Variants in KRT86 observed in about 807,000 individuals in gnomAD.
KRT86 encodes the protein keratin 86.
Under a neutral mutation model 41.2 loss-of-function variants are expected in KRT86, and 30 were observed. The observed-to-expected ratio is 0.73, with a 90% CI of 0.54 to 0.99. The LOEUF (loss-of-function observed/expected upper bound fraction) is 0.99, where lower values mean the gene tolerates loss of function less well. Ranked by LOEUF, KRT86 falls within the 50% of genes least tolerant of loss-of-function variation. The probability of loss-of-function intolerance (pLI) is 0.00; values close to 1 mark genes in which losing one functional copy is unlikely to be tolerated. For missense variants in KRT86, 561 were observed against 571.4 expected (o/e 0.98, Z 0.19); for synonymous variants, 238 against 238.1 (o/e 1.00, Z 0.00).
chr12:52,291,126 T>C (rs1161285408), intron 2 of KRT86: 10 of 909,890 alleles, frequency 1.1e-5, no homozygotes, highest in Non-Finnish European at 1.6e-5. Context: ...AACCTGCTGT[T>C]GAGGGACTTG....
Position 52,305,007 on chromosome 12 carries a change from C to T in KRT86, c.715C>T (p.Leu239=), listed in dbSNP as rs1311161624. 2.5e-6 allele frequency: 4 copies of T among 1,614,092 alleles called. No individual in the cohort carries two copies. The Admixed American group carries it at 5.0e-5, about 20-fold the overall frequency. ...GGCCCTGATCCAGGAGATCGACTTC[C>T]TGAGGCGGCTGTATGAGGAGGTGCG... ...VEALIQEIDF[L]RRLYEEEIRV... The change falls in exon 6 of 11, where the codon CTG becomes TTG. Residue 239 remains leucine (L), a synonymous_variant. Transcript: ENST00000423955.
intron 2 of KRT86, among the ~76,000 whole-genome samples, chr12:52,280,604 C>T (rs1937750232): frequency 6.6e-6 from 1 of 152,198 alleles, no homozygotes; most frequent in Non-Finnish European, 1.5e-5. Flanking sequence ...AGAAAAGTCT[C>T]ATGCAAGAGG....
chr12:52,284,440 T>G (rs59659454), intron 2 of KRT86, among the ~76,000 whole-genome samples: 5,474 of 152,304 alleles, frequency 0.036, 357 homozygotes, highest in African/African-American at 0.12. Context: ...TCTTTTCACC[T>G]TGGCCTCCTA....
intron 2 of KRT86, chr12:52,291,331 G>GA (rs1938113146): frequency 6.4e-7 from 1 of 1,556,824 alleles, no homozygotes; most frequent in Admixed American, 1.9e-5. Context: ...TGTGGCTGCC[G>GA]AAGCCCCCGG....
At chr12:52,284,612 G>T (rs758348160) in intron 2 of KRT86, among the ~76,000 whole-genome samples, 14 of 152,210 alleles carry the variant, frequency 9.2e-5, no homozygotes, top group Non-Finnish European at 1.8e-4. Flanking sequence ...GTGGCTGAGA[G>T]ACCTTGGTTT....
intron 2 of KRT86, chr12:52,287,837 T>G: frequency 9.4e-6 from 15 of 1,601,510 alleles, no homozygotes; most frequent in Non-Finnish European, 1.2e-5. Flanking sequence ...CACATGGCAG[T>G]CCTGCCCTGC....
At chr12:52,304,590 G>A (rs1419974923) in intron 5 of KRT86, among the ~76,000 whole-genome samples, 2 of 151,880 alleles carry the variant, frequency 1.3e-5, no homozygotes, top group Non-Finnish European at 2.9e-5. Flanking sequence ...AGTAGCCCTT[G>A]GGCTTTTGGA....
chr12:52,288,572 C>G (rs1938041760), intron 2 of KRT86: 1 of 1,213,844 alleles, frequency 8.2e-7, no homozygotes, highest in Admixed American at 1.7e-5. Flanking sequence ...TGTCCCATTC[C>G]CATGCCTTTC....
chr12:52,306,016 G>C (rs777976448), intron 8 of KRT86, 44 bp from the exon 9 acceptor site: 1 of 1,610,912 alleles, frequency 6.2e-7, no homozygotes. Context: ...GCATCAGAGA[G>C]ACCCAGGGAC....
intron 2 of KRT86, among the ~76,000 whole-genome samples, chr12:52,280,381 A>G (rs1314449644): frequency 1.3e-5 from 2 of 152,220 alleles, no homozygotes; most frequent in Non-Finnish European, 2.9e-5. Context: ...GCTTCTGTAC[A>G]GTGAGCCCAC....
chr12:52,286,151 TGCA>T (rs1937920621), intron 2 of KRT86: 2 of 915,570 alleles, frequency 2.2e-6, no homozygotes, highest in Non-Finnish European at 1.8e-6. Context: ...TCTTTCAAAG[TGCA>T]GGAGAAGTAG....
chr12:52,284,187 G>T (rs114225737), intron 2 of KRT86, among the ~76,000 whole-genome samples: 4 of 152,126 alleles, frequency 2.6e-5, no homozygotes, highest in Non-Finnish European at 5.9e-5. Context: ...TGCTGCTGCT[G>T]CTTCTTGTTT....
At chr12:52,279,306 C>G (rs957347568) in intron 2 of KRT86, 1 of 152,426 alleles carries the variant, frequency 6.6e-6, no homozygotes, top group African/African-American at 2.4e-5. Context: ...GTCAGATGCC[C>G]CCTCCCATAG....
chr12:52,288,177 T>C, intron 2 of KRT86: 1 of 1,612,462 alleles, frequency 6.2e-7, no homozygotes. Flanking sequence ...GTGACTTTAG[T>C]TGAGAATACA....
intron 2 of KRT86, chr12:52,287,167 G>A (rs1411068026): frequency 2.5e-6 from 4 of 1,613,546 alleles, no homozygotes; most frequent in Middle Eastern, 1.7e-4. Context: ...CCAGCTTGGA[G>A]TTCATCACCT....
rs896200395 is a variant in KRT86, at chr12:52,287,863, T to G, written c.-5+11917T>G. ...CCTGCCCTGCCACCCCAACCTCAGA[T>G]TGGCAGCCCTCTCTTCTCATCCCTA... On this transcript the variant is annotated intron_variant, in intron 2 of 10. Coordinates refer to ENST00000423955, the MANE Select transcript of KRT86 (RefSeq NM_001320198.2). 29 of 1,601,148 alleles carry G rather than the reference T, an allele frequency of 1.8e-5. No homozygotes were observed. In the Admixed American group the frequency reaches 3.6e-4, roughly 20 times the overall value.
intron 9 of KRT86, chr12:52,306,631 T>C: frequency 2.3e-6 from 1 of 427,856 alleles, no homozygotes; most frequent in Non-Finnish European, 4.3e-6. Flanking sequence ...TCCTTCTCTT[T>C]TTCCTAGTCT....
chr12:52,307,534 A>T (rs1938544454), intron 9 of KRT86, among the ~76,000 whole-genome samples: 1 of 152,122 alleles, frequency 6.6e-6, no homozygotes, highest in East Asian at 1.9e-4. Context: ...AGGGGAAGCT[A>T]TTGGGAGGGA....
Position 52,305,007 on chromosome 12 carries a change from C to G in KRT86, c.715C>G (p.Leu239Val). ...GGCCCTGATCCAGGAGATCGACTTC[C>G]TGAGGCGGCTGTATGAGGAGGTGCG... ...VEALIQEIDF[L>V]RRLYEEEIRV... Residue 239 changes from leucine to valine, a missense_variant, in exon 6 of 11, where the codon CTG (leucine) becomes GTG (valine). Coordinates refer to ENST00000423955, the MANE Select transcript of KRT86 (RefSeq NM_001320198.2). 5 of 1,614,092 alleles carry G rather than the reference C, an allele frequency of 3.1e-6. No individual in the cohort carries two copies. The highest frequency in any genetic ancestry group is 4.2e-6 in the Non-Finnish European group (5 of 1,179,992).
Sources: gnomAD v4.1 joint callset for allele counts (sites outside exome capture counted in the v4.1 genomes callset) on GRCh38, gnomAD v4.1.1 for gene constraint, MANE v1.5 for transcripts, NCBI Gene and HGNC (gene_info 2026-07-23, HGNC 2026-07-21) for gene names.